Variants in SERPINC1 observed in about 807,000 individuals in gnomAD.
SERPINC1 encodes antithrombin-III.
Under a neutral mutation model 43.4 loss-of-function variants are expected in SERPINC1, and 12 were observed. That is an observed-to-expected ratio of 0.28 (90% CI 0.18 to 0.45). The LOEUF (loss-of-function observed/expected upper bound fraction) is 0.45, where lower values mean the gene tolerates loss of function less well. Among genes scored for constraint, SERPINC1 ranks in the 20% least tolerant of loss-of-function variants. The pLI, the probability that SERPINC1 is intolerant of heterozygous loss-of-function variation, is 1.00. For missense variants in SERPINC1, 423 were observed against 578.8 expected, an observed-to-expected ratio of 0.73 and a Z score of 2.76; for synonymous variants, 210 against 218.9, an observed-to-expected ratio of 0.96 and a Z score of 0.36.
Position 173,909,639 on chromosome 1 carries a change from G to C in SERPINC1, c.1066C>G (p.Arg356Gly). The change falls in exon 5 of 7, where the codon CGC becomes GGC. Residue 356 changes from arginine (R) to glycine (G), a missense_variant. Arg to Gly is a moderately radical substitution (Grantham distance 125, BLOSUM62 -2). Transcript: ENST00000367698. ...MMLVVHMPRF[R>G]IEDGFSLKEQ... ...TTCAAACTGAAGCCGTCCTCAATGC[G>C]GAAGCGGGGCATGTGGACCACCAGC... 1.2e-6 allele frequency: 2 copies of C among 1,613,872 alleles called. No homozygotes were observed. The highest frequency in any genetic ancestry group is 1.7e-6 in the Non-Finnish European group (2 of 1,179,826).
chr1:173,913,639 G>A (rs1187639152), intron 2 of SERPINC1, among the ~76,000 whole-genome samples: 2 of 152,138 alleles, frequency 1.3e-5, no homozygotes, highest in East Asian at 1.9e-4. Context: ...GGTGGATCAC[G>A]AGGTCAGGAG....
chr1:173,914,513 C>T, intron 2 of SERPINC1, 40 bp downstream of exon 2: 1 of 1,612,824 alleles, frequency 6.2e-7, no homozygotes. Context: ...CCCAAAGGTG[C>T]TCCTAACAAG....
At position 173,914,929 on chromosome 1, in the gene SERPINC1, G is replaced by A. The variant is rs755827622; in HGVS notation, c.42-10C>T. ...CAAAAGATAAACCTTCCTGCAAGGA[G>A]ACAAAATGCCAAGTTAAGCTAGGCT... is the stretch of plus-strand genomic sequence containing the variant. On this transcript the variant is annotated splice_polypyrimidine_tract_variant and intron_variant, in intron 1 of 6. Transcript: ENST00000367698. The A allele has an allele frequency of 3.1e-6, 5 of 1,611,756 alleles. No homozygotes were observed. In the Admixed American group the frequency reaches 5.0e-5, roughly 16 times the overall value.
chr1:173,910,896 G>A lies in SERPINC1; in HGVS notation c.625-5C>T. On this transcript the variant is annotated splice_polypyrimidine_tract_variant and splice_region_variant and intron_variant, in intron 3 of 6. Coordinates refer to ENST00000367698, the MANE Select transcript of SERPINC1 (RefSeq NM_000488.4). ...TCTGGATTGCTCTGCATTTTCCTGA[G>A]GAGAACAGAAAATAAACCTACTCAC... 6.2e-7 allele frequency: 1 copy of A among 1,614,096 alleles called. No homozygotes were observed. Among genetic ancestry groups the A allele is most frequent in the Non-Finnish European group, 8.5e-7 (1 of 1,179,994 alleles).
At position 173,907,528 on chromosome 1, in the gene SERPINC1, C is replaced by G. The variant is rs542881762; in HGVS notation, c.1154-14G>C. On this transcript the variant is annotated splice_polypyrimidine_tract_variant and intron_variant, in intron 5 of 6. Coordinates refer to ENST00000367698, the MANE Select transcript of SERPINC1 (RefSeq NM_000488.4). ...CTGCAACAATACCTGGAAGGAAGAC[C>G]GGAGAAGTCTTTGTGAGATGGGAGA... 14 of 1,611,078 alleles carry G rather than the reference C, an allele frequency of 8.7e-6. No individual in the cohort carries two copies. The South Asian group carries it at 1.3e-4, about 15-fold the overall frequency.
At chr1:173,916,723 G>T (rs1294839796) in intron 1 of SERPINC1, among the ~76,000 whole-genome samples, 1 of 152,192 alleles carries the variant, frequency 6.6e-6, no homozygotes, top group South Asian at 2.1e-4. Flanking sequence ...GGGAGTGTGT[G>T]TGGCATTGAG....
intron 3 of SERPINC1, among the ~76,000 whole-genome samples, chr1:173,911,105 GAAC>G (rs1657753842): frequency 1.3e-5 from 2 of 151,974 alleles, no homozygotes; most frequent in South Asian, 4.2e-4. Flanking sequence ...AGAAGAAAAA[GAAC>G]AAAAAGAAAT....
chr1:173,912,375 G>A (rs1016268843), intron 2 of SERPINC1, among the ~76,000 whole-genome samples: 1 of 152,182 alleles, frequency 6.6e-6, no homozygotes. Flanking sequence ...CACTTTTGTG[G>A]CATCTACTGG....
chr1:173,911,685 C>T, intron 3 of SERPINC1, 114 bp downstream of exon 3: 1 of 867,432 alleles, frequency 1.2e-6, no homozygotes, highest in Non-Finnish European at 2.0e-6. Context: ...TTAGTCAGCC[C>T]TCCAGCAGTC....
At chr1:173,904,499 C>T (rs982067584) in intron 6 of SERPINC1, among the ~76,000 whole-genome samples, 6 of 152,220 alleles carry the variant, frequency 3.9e-5, no homozygotes, top group Non-Finnish European at 8.8e-5. Flanking sequence ...AAGAGCCACT[C>T]AGGACCTAGG....
rs776785547 is a variant in SERPINC1 at position 173,917,267 on chromosome 1, A to G, written c.-8T>C. 2 of 1,613,906 alleles carry G rather than the reference A, an allele frequency of 1.2e-6. No individual in the cohort carries two copies. Among genetic ancestry groups the G allele is most frequent in the Non-Finnish European group, 1.7e-6 (2 of 1,179,848 alleles). On this transcript the variant is annotated 5_prime_UTR_variant, in exon 1 of 7. Transcript: ENST00000367698. ...TATCACATTGGAATACATGGCCGCTAATCTTCCACAGGGCTGGGCAAGTGG... is the reference window on the plus strand; with the variant it reads ...TATCACATTGGAATACATGGCCGCTGATCTTCCACAGGGCTGGGCAAGTGG...
In SERPINC1 at chr1:173,904,028, G is replaced by A. The variant is rs121909568; in HGVS notation, c.1256C>T (p.Ala419Val). The A allele has an allele frequency of 1.2e-6, 2 of 1,614,094 alleles. No individual in the cohort carries two copies. Among genetic ancestry groups the A allele is most frequent in the African/African-American group, 2.7e-5 (2 of 74,942 alleles). Residue 419 changes from alanine to valine, a missense_variant, in exon 7 of 7, where the codon GCT (alanine) becomes GTT (valine). Physicochemically the swap from Ala to Val is moderately conservative, Grantham distance 64. Coordinates refer to ENST00000367698, the MANE Select transcript of SERPINC1 (RefSeq NM_000488.4). ...TAGCGAACGGCCAGCAATCACAACAGCGGTACTTGCAGCTGCTTCACTGCC... is the reference window on the plus strand; with the variant it reads ...TAGCGAACGGCCAGCAATCACAACAACGGTACTTGCAGCTGCTTCACTGCC... ...EEGSEAAAST[A>V]VVIAGRSLNP... is the part of the protein sequence containing the mutation.
At chr1:173,908,718 G>T (rs1657637743) in intron 5 of SERPINC1, among the ~76,000 whole-genome samples, 2 of 151,982 alleles carry the variant, frequency 1.3e-5, no homozygotes, top group Non-Finnish European at 2.9e-5. Flanking sequence ...GCGTCACCAT[G>T]CCTGGCTAAT....
Position 173,917,223 on chromosome 1 carries a change from T to C in SERPINC1, c.37A>G (p.Lys13Glu). The change falls in exon 1 of 7, where the codon AAA becomes GAA. Residue 13 changes from lysine to glutamate, a missense_variant. Physicochemically the swap from Lys to Glu is moderately conservative, Grantham distance 56. Transcript: ENST00000367698. ...SNVIGTVTSG[K>E]RKVYLLSLLL... ...GGGAAAGCTCACCCCTCTTACCTTT[T>C]TCCAGAGGTTACAGTTCCTATCACA... The C allele has an allele frequency of 6.2e-7, 1 of 1,614,060 alleles. No individual in the cohort carries two copies. The highest frequency in any genetic ancestry group is 8.5e-7 in the Non-Finnish European group (1 of 1,179,968).
At chr1:173,914,053 GGGC>G (rs1657883937) in intron 2 of SERPINC1, among the ~76,000 whole-genome samples, 1 of 150,870 alleles carries the variant, frequency 6.6e-6, no homozygotes, top group South Asian at 2.1e-4. Flanking sequence ...ACTCCAGCCT[GGGC>G]AATAGAGCGA....
rs150507232 is a variant in SERPINC1, at chr1:173,909,795, A to G, written c.910T>C (p.Leu304=). The change falls in exon 5 of 7, where the codon TTG becomes CTG. Residue 304 remains leucine, a synonymous_variant. Transcript: ENST00000367698. ...RVAEGTQVLE[L]PFKGDDITMV... ...GTGATGTCATCACCTTTGAAGGGCA[A>G]CTCAAGCACCTGGGTGCCTTCAGCC... 4.8e-5 allele frequency: 77 copies of G among 1,614,210 alleles called. No homozygotes were observed. The highest frequency in any genetic ancestry group is 3.5e-4 in the African/African-American group (26 of 75,070).
Position 173,903,894 on chromosome 1 carries a change from T to TAACA in SERPINC1, c.1386_1389dup (p.Lys464CysfsTer2), listed in dbSNP as rs1204769514. On this transcript the variant is annotated frameshift_variant, in exon 7 of 7. Transcript: ENST00000367698. LOFTEE classifies it high-confidence loss of function. ...GTGCAAAGAATAAGAACATTTTACT[T>TAACA]AACACAAGGGTTGGCTACTCTGCCC... 1 of 1,614,088 alleles carries TAACA rather than the reference T, an allele frequency of 6.2e-7. No homozygotes were observed. The highest frequency in any genetic ancestry group is 1.7e-5 in the Admixed American group (1 of 60,034).
At position 173,909,644 on chromosome 1, in the gene SERPINC1, C is replaced by T. The variant is rs758316459; in HGVS notation, c.1061G>A (p.Arg354His). The T allele has an allele frequency of 1.2e-5, 19 of 1,613,662 alleles. No individual in the cohort carries two copies. Among genetic ancestry groups the T allele is most frequent in the Non-Finnish European group, 1.5e-5 (18 of 1,179,732 alleles). The change falls in exon 5 of 7, where the codon CGC becomes CAC. Residue 354 changes from arginine (R) to histidine (H), a missense_variant. Physicochemically the swap from Arg to His is conservative, Grantham distance 29. Coordinates refer to ENST00000367698, the MANE Select transcript of SERPINC1 (RefSeq NM_000488.4). ...ACTGAAGCCGTCCTCAATGCGGAAG[C>T]GGGGCATGTGGACCACCAGCATCAT... ...EEMMLVVHMPRFRIEDGFSLK... is the reference protein window; with the variant it reads ...EEMMLVVHMPHFRIEDGFSLK...
intron 6 of SERPINC1, among the ~76,000 whole-genome samples, chr1:173,904,830 A>T (rs966454987): frequency 2.0e-5 from 3 of 152,082 alleles, no homozygotes; most frequent in Non-Finnish European, 4.4e-5. Flanking sequence ...TCATTCCAGC[A>T]CTAAATTATT....
Sources: gnomAD v4.1 joint callset for allele counts (sites outside exome capture counted in the v4.1 genomes callset) on GRCh38, gnomAD v4.1.1 for gene constraint, MANE v1.5 for transcripts, NCBI Gene and HGNC (gene_info 2026-07-23, HGNC 2026-07-21) for gene names.